PAPPA: variants seen among roughly 807,000 people sequenced by gnomAD.
PAPPA encodes the protein pappalysin 1.
A neutral mutation model predicts 164.0 loss-of-function variants in PAPPA; 60 were observed. The observed-to-expected ratio is 0.37, with a 90% confidence interval of 0.30 to 0.45. The LOEUF (loss-of-function observed/expected upper bound fraction) is 0.45, where lower values mean the gene tolerates loss of function less well. Among genes scored for constraint, PAPPA ranks in the 20% least tolerant of loss-of-function variants. The pLI, the probability that PAPPA is intolerant of heterozygous loss-of-function variation, is 1.00. For synonymous variants in PAPPA, 875 were observed against 814.1 expected (o/e 1.07, Z -1.27); for missense variants, 1,782 against 2,087.3 (o/e 0.85, Z 2.85).
intron 10 of PAPPA, among the ~76,000 whole-genome samples, chr9:116,317,099 G>A (rs911752211): frequency 2.0e-5 from 3 of 152,174 alleles, no homozygotes; most frequent in Admixed American, 2.0e-4. Flanking sequence ...ACAGGAGAAA[G>A]GGGGAAGAGG....
chr9:116,358,865 G>A (rs796112658), intron 17 of PAPPA, among the ~76,000 whole-genome samples: 11 of 152,290 alleles, frequency 7.2e-5, no homozygotes, highest in African/African-American at 2.6e-4. Context: ...TGTACTGTTG[G>A]TTGGGTTGAT....
At chr9:116,189,436 T>G (rs1844016409) in intron 2 of PAPPA, among the ~76,000 whole-genome samples, 1 of 152,192 alleles carries the variant, frequency 6.6e-6, no homozygotes, top group African/African-American at 2.4e-5. Flanking sequence ...GGTAAAATTT[T>G]GACATCAGAA....
chr9:116,273,009 A>G (rs2118828857), intron 9 of PAPPA, among the ~76,000 whole-genome samples: 1 of 151,892 alleles, frequency 6.6e-6, no homozygotes, highest in Admixed American at 6.6e-5. Flanking sequence ...CTAATTGTGA[A>G]CTCTACCTGA....
At chr9:116,376,646 C>A (rs1281770042) in intron 19 of PAPPA, among the ~76,000 whole-genome samples, 1 of 152,110 alleles carries the variant, frequency 6.6e-6, no homozygotes. Context: ...TTATCTTCAT[C>A]ATAATTATTA....
rs758102748 is a variant in PAPPA at position 116,382,367 on chromosome 9, C to T, written c.4678-28C>T. 14 of 1,469,250 alleles carry T rather than the reference C, an allele frequency of 9.5e-6. No homozygotes were observed. The South Asian group carries it at 1.6e-4, about 17-fold the overall frequency. The allele number at this position is 1,469,250 out of a possible 1,614,324, so 91.0% of individuals were successfully genotyped here. A position where few individuals can be genotyped will look rare whatever the true frequency, so the allele number is the denominator to read the frequency against. On this transcript the variant is annotated intron_variant, in intron 20 of 21. Coordinates refer to ENST00000328252, the MANE Select transcript of PAPPA (RefSeq NM_002581.5). Reference sequence around the variant, plus strand: ...TCACTCCAGGATGCTAACAAGGCCTCATTTCCTCCTTCTGTCTCCCTTTCC... The same window carrying T: ...TCACTCCAGGATGCTAACAAGGCCTTATTTCCTCCTTCTGTCTCCCTTTCC...
At chr9:116,170,885 A>C (rs1004214791) in intron 1 of PAPPA, among the ~76,000 whole-genome samples, 5 of 152,172 alleles carry the variant, frequency 3.3e-5, no homozygotes, top group Non-Finnish European at 7.3e-5. Context: ...GTTCTTAAAA[A>C]AAAAAAAATC....
At chr9:116,166,411 C>T (rs978558712) in intron 1 of PAPPA, among the ~76,000 whole-genome samples, 2 of 152,166 alleles carry the variant, frequency 1.3e-5, no homozygotes, top group African/African-American at 4.8e-5. Context: ...CTCTCTCCCC[C>T]TTATCAGTGT....
In PAPPA at chr9:116,165,346, C is replaced by A. The variant is rs567184633; in HGVS notation, c.415+10759C>A. On this transcript the variant is annotated intron_variant, in intron 1 of 21. Coordinates refer to ENST00000328252, the MANE Select transcript of PAPPA (RefSeq NM_002581.5). ...AGCACATTCTACAAACTCCACACTT[C>A]CGAAACAATCATCTTTCCTCCAAAA... Among the ~76,000 whole-genome samples, 6 of 152,306 alleles carry A rather than the reference C, an allele frequency of 3.9e-5. No homozygotes were observed. In the South Asian group the frequency reaches 1.0e-3, roughly 26 times the overall value.
intron 19 of PAPPA, among the ~76,000 whole-genome samples, chr9:116,376,052 C>T (rs1422210637): frequency 2.9e-5 from 4 of 138,444 alleles, no homozygotes; most frequent in Non-Finnish European, 4.5e-5. Context: ...GACGGAGTCT[C>T]GCTCTGTCGC....
intron 19 of PAPPA, among the ~76,000 whole-genome samples, chr9:116,374,932 T>A (rs1463973410): frequency 6.6e-6 from 1 of 152,228 alleles, no homozygotes; most frequent in Non-Finnish European, 1.5e-5. Flanking sequence ...ACAACCCAAA[T>A]TCCCTCATTT....
At chr9:116,228,545 G>A (rs1844545871) in intron 6 of PAPPA, among the ~76,000 whole-genome samples, 1 of 152,172 alleles carries the variant, frequency 6.6e-6, no homozygotes, top group South Asian at 2.1e-4. Flanking sequence ...GGATCAGAGA[G>A]GAAAGTGAAG....
intron 18 of PAPPA, 128 bp from the exon 19 acceptor site, chr9:116,367,517 C>G (rs1233655316): frequency 8.9e-6 from 6 of 672,654 alleles, no homozygotes; most frequent in Non-Finnish European, 1.6e-5. Flanking sequence ...CTCCTTCCCA[C>G]TGCCTTCAGG....
At chr9:116,196,344 C>G (rs901878807) in intron 2 of PAPPA, among the ~76,000 whole-genome samples, 2 of 152,102 alleles carry the variant, frequency 1.3e-5, no homozygotes, top group Non-Finnish European at 2.9e-5. Context: ...TTGGTTTTTT[C>G]CCACCCTGGG....
intron 9 of PAPPA, among the ~76,000 whole-genome samples, chr9:116,291,387 C>T (rs891076544): frequency 6.6e-6 from 1 of 151,980 alleles, no homozygotes; most frequent in African/African-American, 2.4e-5. Context: ...GGATTTTCCC[C>T]CTAATATGTG....
intron 7 of PAPPA, among the ~76,000 whole-genome samples, chr9:116,256,820 A>T (rs1844933214): frequency 6.6e-6 from 1 of 152,046 alleles, no homozygotes; most frequent in African/African-American, 2.4e-5. Context: ...AATCTAGAAG[A>T]TCTTGAACAA....
At chr9:116,266,528 A>C (rs1293493131) in intron 8 of PAPPA, among the ~76,000 whole-genome samples, 2 of 152,244 alleles carry the variant, frequency 1.3e-5, no homozygotes, top group Admixed American at 6.5e-5. Flanking sequence ...AATAATAAAC[A>C]GTGCTCTGGA....
At chr9:116,392,466 G>C (rs1414397026) in intron 21 of PAPPA, among the ~76,000 whole-genome samples, 2 of 152,186 alleles carry the variant, frequency 1.3e-5, no homozygotes, top group Non-Finnish European at 1.5e-5. Flanking sequence ...CAGAGTCAGA[G>C]AGCTAGCATA....
Position 116,154,154 on chromosome 9 carries a change from G to C in PAPPA, c.-19G>C, listed in dbSNP as rs770903095. The C allele has an allele frequency of 2.9e-6, 4 of 1,389,842 alleles. No homozygotes were observed. Among genetic ancestry groups the C allele is most frequent in the South Asian group, 1.2e-5 (1 of 80,062 alleles). 86.1% of individuals were successfully genotyped at this position (1,389,842 alleles called of 1,614,324 possible). On this transcript the variant is annotated 5_prime_UTR_variant, in exon 1 of 22. Transcript: ENST00000328252. This position sits in a 1 kb window ranked among gnomAD's most constrained non-coding sequence, Gnocchi z 5.2. ...GTGGCGGTGCAGGGGCGAAGGGGGG[G>C]CGGGGGGAACCGTCGGACATGCGGC... is the stretch of plus-strand genomic sequence containing the variant.
intron 9 of PAPPA, among the ~76,000 whole-genome samples, chr9:116,285,135 CT>C (rs1192345639): frequency 1.5e-5 from 2 of 136,310 alleles, no homozygotes; most frequent in South Asian, 2.4e-4. Context: ...TTTTCTTTTT[CT>C]TTTTTCTTTC....
Sources: gnomAD v4.1 joint callset for allele counts (sites outside exome capture counted in the v4.1 genomes callset) on GRCh38, gnomAD v4.1.1 for gene constraint, Gnocchi (gnomAD v3.1) non-coding constraint, MANE v1.5 for transcripts, NCBI Gene and HGNC (gene_info 2026-07-23, HGNC 2026-07-21) for gene names.